Variants in ANKRD11 observed in about 807,000 individuals in gnomAD.
ANKRD11 encodes ankyrin repeat domain 11, also known as ankyrin repeat domain-containing protein 11.
ANKRD11 carries 17 observed loss-of-function variants against 195.7 expected under a neutral mutation model. The observed-to-expected ratio is 0.09, with a 90% CI of 0.06 to 0.13. The LOEUF (loss-of-function observed/expected upper bound fraction) is 0.13, where lower values mean the gene tolerates loss of function less well. ANKRD11 is among the 10% of genes least tolerant of loss of function. The pLI is 1.00. For synonymous variants in ANKRD11, 1,953 were observed against 1,528.1 expected (o/e 1.28, Z -6.49); for missense variants, 3,735 against 3,566.1 (o/e 1.05, Z -1.21).
rs1361061944 is a variant in ANKRD11, at chr16:89,282,249, ATTT to A, written c.4290_4292del (p.Lys1430del). ...TCTTGGAAGGTTCTCTCTCGGAATCATTTTTATCTTTCTTTTCGGTAGAAAACA... is the reference window on the plus strand; with the variant it reads ...TCTTGGAAGGTTCTCTCTCGGAATCATTATCTTTCTTTTCGGTAGAAAACA... On this transcript the variant is annotated inframe_deletion, in exon 9 of 13. Coordinates refer to ENST00000301030, the MANE Select transcript of ANKRD11 (RefSeq NM_013275.6). The A allele has an allele frequency of 6.2e-7, 1 of 1,613,642 alleles. No individual in the cohort carries two copies. The highest frequency in any genetic ancestry group is 1.3e-5 in the African/African-American group (1 of 74,814).
chr16:89,403,159 GA>G (rs1023573118), intron 2 of ANKRD11, among the ~76,000 whole-genome samples: 5 of 152,186 alleles, frequency 3.3e-5, no homozygotes, highest in African/African-American at 1.2e-4. Context: ...ACACTACAGA[GA>G]AACTTCCTGT....
At chr16:89,294,535 G>A (rs2035286663) in intron 4 of ANKRD11, among the ~76,000 whole-genome samples, 1 of 152,160 alleles carries the variant, frequency 6.6e-6, no homozygotes, top group African/African-American at 2.4e-5. Flanking sequence ...AAACTTGCAC[G>A]TCTGTCAGCT....
chr16:89,490,163 G>T (rs1310236078), intron 1 of ANKRD11, 82 bp downstream of exon 1: 1 of 148,184 alleles, frequency 6.7e-6, no homozygotes, highest in East Asian at 2.0e-4. Context: ...TCCGTCGCCG[G>T]GGAAGGCCTG....
Position 89,281,177 on chromosome 16 carries a change from G to C in ANKRD11, c.5365C>G (p.Arg1789Gly). The change falls in exon 9 of 13, where the codon CGC (arginine) becomes GGC (glycine). Residue 1789 changes from arginine to glycine, a missense_variant. Coordinates refer to ENST00000301030, the MANE Select transcript of ANKRD11 (RefSeq NM_013275.6). This position sits in a 1 kb window ranked among gnomAD's most constrained non-coding sequence, Gnocchi z 5.5. ...PARPLSTNLY[R>G]SVSVDIRRTP... ...CTCCTAATGTCGACAGAGACCGAGC[G>C]GTAAAGGTTTGTGGAGAGAGGCCTG... 6.2e-7 allele frequency: 1 copy of C among 1,614,184 alleles called. No homozygotes were observed. Among genetic ancestry groups the C allele is most frequent in the Non-Finnish European group, 8.5e-7 (1 of 1,180,034 alleles).
intron 1 of ANKRD11, among the ~76,000 whole-genome samples, chr16:89,480,605 T>C (rs760427611): frequency 1.3e-5 from 2 of 152,196 alleles, no homozygotes; most frequent in Non-Finnish European, 2.9e-5. Flanking sequence ...AGCCTAACCA[T>C]GTATTTGGGC....
At chr16:89,319,719 T>A (rs1231173622) in intron 2 of ANKRD11, among the ~76,000 whole-genome samples, 1 of 152,226 alleles carries the variant, frequency 6.6e-6, no homozygotes, top group African/African-American at 2.4e-5. Context: ...TGAAGCTGGT[T>A]TGGATGTAGC....
chr16:89,286,367 G>A (rs1020070069), intron 7 of ANKRD11, 181 bp from the exon 8 acceptor site: 2 of 884,874 alleles, frequency 2.3e-6, no homozygotes, highest in Non-Finnish European at 3.5e-6. Flanking sequence ...GGGTGTGGTG[G>A]GCGAGGCTGT....
chr16:89,318,586 G>A (rs1033027388), intron 2 of ANKRD11, among the ~76,000 whole-genome samples: 3 of 152,164 alleles, frequency 2.0e-5, no homozygotes, highest in Non-Finnish European at 4.4e-5. Context: ...CAGCTCCACT[G>A]TGAGCCTCTC....
chr16:89,332,540 C>T (rs1020039323), intron 2 of ANKRD11, among the ~76,000 whole-genome samples: 2 of 152,240 alleles, frequency 1.3e-5, no homozygotes, highest in Admixed American at 6.5e-5. Context: ...CACCAACTTC[C>T]TCTATAAAAT....
intron 1 of ANKRD11, among the ~76,000 whole-genome samples, chr16:89,421,891 C>T (rs182571627): frequency 2.7e-4 from 41 of 152,290 alleles, no homozygotes; most frequent in Admixed American, 9.8e-4. Context: ...CCAGTTAAAA[C>T]AACAGGGAGT....
At chr16:89,305,091 G>T (rs1191324596) in intron 4 of ANKRD11, 115 bp downstream of exon 4, 1 of 1,479,308 alleles carries the variant, frequency 6.8e-7, no homozygotes, top group African/African-American at 1.4e-5. Flanking sequence ...GGCGTGCAGG[G>T]TGCTAGAGTG....
At chr16:89,399,878 GCA>G (rs2041621355) in intron 2 of ANKRD11, among the ~76,000 whole-genome samples, 3 of 152,172 alleles carry the variant, frequency 2.0e-5, no homozygotes, top group African/African-American at 7.2e-5. Context: ...GATTCACACA[GCA>G]CAGAATCGGC....
chr16:89,397,310 C>G (rs145819697), intron 2 of ANKRD11, among the ~76,000 whole-genome samples: 77 of 152,384 alleles, frequency 5.1e-4, no homozygotes, highest in African/African-American at 1.8e-3. Context: ...AGGCCTCTCA[C>G]AAGTCCAACT....
rs2034611710 is a variant in ANKRD11, at chr16:89,285,893, C to T, written c.892+146G>A. On this transcript the variant is annotated intron_variant, in intron 8 of 12. Coordinates refer to ENST00000301030, the MANE Select transcript of ANKRD11 (RefSeq NM_013275.6). The surrounding 1 kb of genome is among the most constrained non-coding windows in gnomAD (Gnocchi z 5.6). The stretch of plus-strand genomic sequence containing the variant: ...GCTTCTCGGCAGTGACACACCTGGG[C>T]GGGGTCTCCCGCAGTCCAGAAGCTC... 2.3e-6 allele frequency: 3 copies of T among 1,283,538 alleles called. No individual in the cohort carries two copies. Among genetic ancestry groups the T allele is most frequent in the Admixed American group, 1.9e-5 (1 of 52,976 alleles). 79.5% of individuals were successfully genotyped at this position (1,283,538 alleles called of 1,614,324 possible). A position where few individuals can be genotyped will look rare whatever the true frequency, so the allele number is the denominator to read the frequency against.
chr16:89,396,043 G>A (rs2041412784), intron 2 of ANKRD11: 1 of 152,132 alleles, frequency 6.6e-6, no homozygotes, highest in Non-Finnish European at 1.5e-5. Flanking sequence ...GTTCGGACAT[G>A]AGTACTGGCA....
intron 7 of ANKRD11, chr16:89,286,951 G>A: frequency 7.8e-7 from 1 of 1,289,734 alleles, no homozygotes; most frequent in Non-Finnish European, 1.0e-6. Context: ...CACAGAATCA[G>A]TTTCCAGTTC....
At chr16:89,383,070 T>C (rs531097552) in intron 2 of ANKRD11, among the ~76,000 whole-genome samples, 18 of 152,368 alleles carry the variant, frequency 1.2e-4, no homozygotes, top group African/African-American at 4.1e-4. Flanking sequence ...CTCTCTCGTC[T>C]GGATTCAACT....
intron 2 of ANKRD11, chr16:89,324,794 C>T (rs976533469): frequency 6.9e-6 from 2 of 288,510 alleles, no homozygotes; most frequent in South Asian, 3.0e-5. Context: ...GTTGGCTTCC[C>T]GACTTTTGAG....
At chr16:89,313,019 C>G (rs3114910) in intron 3 of ANKRD11, among the ~76,000 whole-genome samples, 131,925 of 152,110 alleles carry the variant, frequency 0.87, 57,747 homozygotes, top group Middle Eastern at 0.93. Flanking sequence ...ATGCTCAGTT[C>G]TCAACTGCAG....
Sources: allele counts gnomAD v4.1 joint callset (sites outside exome capture counted in the v4.1 genomes callset), GRCh38; gene constraint gnomAD v4.1.1; non-coding constraint Gnocchi (gnomAD v3.1); transcripts MANE v1.5; gene names NCBI Gene and HGNC (gene_info 2026-07-23, HGNC 2026-07-21).